MIS18BP1: variants seen among roughly 807,000 people sequenced by gnomAD.
MIS18BP1 encodes MIS18 binding protein 1.
In MIS18BP1, 72 loss-of-function variants were observed where a neutral mutation model predicts 116.1. That is an observed-to-expected ratio of 0.62 (90% CI 0.51 to 0.75). The LOEUF (loss-of-function observed/expected upper bound fraction) is 0.75. Ranked by LOEUF, MIS18BP1 falls within the 30% of genes least tolerant of loss-of-function variation. The probability of loss-of-function intolerance (pLI) is 0.00; values close to 1 mark genes in which losing one functional copy is unlikely to be tolerated. For synonymous variants in MIS18BP1, 386 were observed against 427.0 expected (o/e 0.90, Z 1.18); for missense variants, 1,363 against 1,303.2 (o/e 1.05, Z -0.71).
chr14:45,249,739 C>T (rs998583211), intron 1 of MIS18BP1, among the ~76,000 whole-genome samples: 2 of 152,114 alleles, frequency 1.3e-5, no homozygotes, highest in Non-Finnish European at 2.9e-5. Flanking sequence ...GATGTGGTGG[C>T]ACATGCCTGT....
chr14:45,237,286 T>C (rs1303584318), intron 5 of MIS18BP1, among the ~76,000 whole-genome samples: 2 of 152,214 alleles, frequency 1.3e-5, no homozygotes, highest in African/African-American at 4.8e-5. Context: ...GTAATTTATA[T>C]CTGGTTGTCC....
In MIS18BP1 at chr14:45,218,284, T is replaced by A; in HGVS notation, c.2840A>T (p.Asn947Ile). The A allele has an allele frequency of 1.2e-6, 2 of 1,613,806 alleles. No individual in the cohort carries two copies. Among genetic ancestry groups the A allele is most frequent in the Non-Finnish European group, 1.7e-6 (2 of 1,179,924 alleles). The stretch of plus-strand genomic sequence containing the variant: ...AAACTATTTACTACGAAGGTTACCA[T>A]TTTGGCCTTTGGAATTGGCTGGCTT... ...KKKPANSKGQ[N>I]GKRGDADQKQ... Residue 947 changes from asparagine (N) to isoleucine (I), a missense_variant and splice_region_variant, in exon 12 of 17, where the codon AAT becomes ATT. Physicochemically the swap from Asn to Ile is moderately radical, Grantham distance 149 (BLOSUM62 -3). Coordinates refer to ENST00000310806, the MANE Select transcript of MIS18BP1 (RefSeq NM_018353.5).
At chr14:45,247,699 C>CAAAAT (rs374250550) in intron 1 of MIS18BP1, among the ~76,000 whole-genome samples, 9 of 151,244 alleles carry the variant, frequency 6.0e-5, no homozygotes, top group East Asian at 5.8e-4. Context: ...GACCTTGTCT[C>CAAAAT]AAAATAAAAT....
Position 45,242,320 on chromosome 14 carries a change from T to G in MIS18BP1, c.857A>C (p.Glu286Ala). 6.2e-7 allele frequency: 1 copy of G among 1,614,074 alleles called. No individual in the cohort carries two copies. ...AGGAATACAATTAGTACTGAGAGTC[T>G]CAGCATTAGTATTTTGAAATTGTTC... The part of the protein sequence containing the change: ...ADEQFQNTNA[E>A]TLSTNCIPIK... Residue 286 changes from glutamate to alanine, a missense_variant, in exon 4 of 17, where the codon GAG becomes GCG. Transcript: ENST00000310806.
chr14:45,235,176 C>T (rs1891388624), intron 6 of MIS18BP1, among the ~76,000 whole-genome samples: 1 of 148,408 alleles, frequency 6.7e-6, no homozygotes, highest in Admixed American at 6.7e-5. Context: ...CACTACACTC[C>T]AGCCTGGGCA....
intron 1 of MIS18BP1, among the ~76,000 whole-genome samples, chr14:45,248,928 G>C (rs1022507911): frequency 6.6e-6 from 1 of 151,978 alleles, no homozygotes; most frequent in Non-Finnish European, 1.5e-5. Flanking sequence ...TTTTATTTTT[G>C]AGACAGTGTC....
At chr14:45,210,086 AAAT>A (rs1164616799) in intron 14 of MIS18BP1, 4 of 223,544 alleles carry the variant, frequency 1.8e-5, no homozygotes, top group Admixed American at 5.7e-5. Context: ...TGGTATTATA[AAAT>A]AATTCTCCAA....
chr14:45,221,298 G>A (rs1164391791), intron 11 of MIS18BP1, among the ~76,000 whole-genome samples: 10 of 151,070 alleles, frequency 6.6e-5, no homozygotes, highest in Non-Finnish European at 1.5e-5. Context: ...ATTAGCCGGC[G>A]TGGTCGCGGG....
Position 45,210,502 on chromosome 14 carries a change from A to T in MIS18BP1, c.3030T>A (p.Asp1010Glu). 2 of 1,614,060 alleles carry T rather than the reference A, an allele frequency of 1.2e-6. No individual in the cohort carries two copies. Among genetic ancestry groups the T allele is most frequent in the Non-Finnish European group, 1.7e-6 (2 of 1,179,942 alleles). ...CCATATTTGGCAGAATATCATCATC[A>T]TCTTCACTGTCCTGGAAACTTGGCA... is the stretch of plus-strand genomic sequence containing the variant. Reference protein sequence around the residue: ...ILLPSFQDSEDDDDILPNMDK... With the variant: ...ILLPSFQDSEEDDDILPNMDK... Residue 1010 changes from aspartate (D) to glutamate (E), a missense_variant, in exon 14 of 17, where the codon GAT (aspartate) becomes GAA (glutamate). Asp to Glu is a conservative substitution (Grantham distance 45). Transcript: ENST00000310806.
chr14:45,218,164 T>G, intron 12 of MIS18BP1, 118 bp downstream of exon 12: 1 of 1,151,924 alleles, frequency 8.7e-7, no homozygotes, highest in Non-Finnish European at 1.2e-6. Flanking sequence ...CTCTCTAGCT[T>G]TAAAATTTTA....
Position 45,248,247 on chromosome 14 carries a change from G to A in MIS18BP1, c.-91-870C>T, listed in dbSNP as rs187218415. On this transcript the variant is annotated intron_variant, in intron 1 of 16. Transcript: ENST00000310806. ...CACACCCGGCTAATTTTGTATTTTT[G>A]CTAGAGACAGGGTTTCTCCATGTTG... Among the ~76,000 whole-genome samples, 426 of 151,598 alleles carry A rather than the reference G, an allele frequency of 2.8e-3. 1 individual carries two copies. Among genetic ancestry groups the A allele is most frequent in the Non-Finnish European group, 3.7e-3 (254 of 67,842 alleles).
At chr14:45,211,255 C>T (rs528747064) in intron 13 of MIS18BP1, among the ~76,000 whole-genome samples, 69 of 152,260 alleles carry the variant, frequency 4.5e-4, no homozygotes, top group African/African-American at 1.6e-3. Flanking sequence ...CTTCAGGGGC[C>T]GGATCCTGGC....
intron 4 of MIS18BP1, among the ~76,000 whole-genome samples, chr14:45,239,513 GAGTA>G (rs1891518784): frequency 6.6e-6 from 1 of 152,158 alleles, no homozygotes; most frequent in Non-Finnish European, 1.5e-5. Context: ...AATTTGAAAG[GAGTA>G]AGTGAGAGGG....
chr14:45,205,226 T>G (rs1311785826), intron 15 of MIS18BP1, among the ~76,000 whole-genome samples: 1 of 152,120 alleles, frequency 6.6e-6, no homozygotes, highest in East Asian at 1.9e-4. Context: ...AACACTGCAT[T>G]ATATCATTTA....
intron 3 of MIS18BP1, 101 bp downstream of exon 3, chr14:45,242,660 T>C (rs1891614421): frequency 6.9e-7 from 1 of 1,454,834 alleles, no homozygotes; most frequent in African/African-American, 1.4e-5. Flanking sequence ...CAAGCTTTTG[T>C]CCACAGCTAA....
chr14:45,206,131 A>G lies in MIS18BP1; in HGVS notation c.3192T>C (p.Tyr1064=), dbSNP rs1566799407. 1 of 1,608,558 alleles carries G rather than the reference A, an allele frequency of 6.2e-7. No individual in the cohort carries two copies. The highest frequency in any genetic ancestry group is 8.5e-7 in the Non-Finnish European group (1 of 1,175,846). Residue 1064 remains tyrosine (Y), a synonymous_variant, in exon 15 of 17, where the codon TAT becomes TAC. Coordinates refer to ENST00000310806, the MANE Select transcript of MIS18BP1 (RefSeq NM_018353.5). ...AGACAATACCACCATTACTTTTATGATATTTTTGCATACGAAAAACATATT... is the reference window on the plus strand; with the variant it reads ...AGACAATACCACCATTACTTTTATGGTATTTTTGCATACGAAAAACATATT... The part of the protein sequence containing the change: ...CDKYVFRMQK[Y]HKSNGGIVWG...
chr14:45,227,878 T>A (rs758294720), intron 8 of MIS18BP1, 64 bp from the exon 9 acceptor site: 18 of 1,533,686 alleles, frequency 1.2e-5, no homozygotes, highest in Non-Finnish European at 1.6e-5. Context: ...CTTTTCTACA[T>A]GAAGAATTAA....
chr14:45,237,511 A>G, intron 5 of MIS18BP1, 137 bp downstream of exon 5: 1 of 1,005,692 alleles, frequency 9.9e-7, no homozygotes, highest in Non-Finnish European at 1.4e-6. Context: ...CTGCACAGTA[A>G]TTTTACTTTT....
chr14:45,216,290 T>C (rs1890816282), intron 13 of MIS18BP1, among the ~76,000 whole-genome samples: 1 of 152,252 alleles, frequency 6.6e-6, no homozygotes, highest in South Asian at 2.1e-4. Context: ...ATTCAATTTG[T>C]ATGCCCACTG....
Sources: gnomAD v4.1 joint callset for allele counts (sites outside exome capture counted in the v4.1 genomes callset) on GRCh38, gnomAD v4.1.1 for gene constraint, MANE v1.5 for transcripts, NCBI Gene and HGNC (gene_info 2026-07-23, HGNC 2026-07-21) for gene names.